Variants in ELAC2 observed in about 807,000 individuals in gnomAD.
ELAC2 encodes elaC ribonuclease Z 2, also known as zinc phosphodiesterase ELAC protein 2.
ELAC2 carries 92 observed loss-of-function variants against 105.2 expected under a neutral mutation model. The ratio of observed to expected loss-of-function variants is 0.87; its 90% CI spans 0.74 to 1.04. ELAC2 has a LOEUF of 1.04. Among genes scored for constraint, ELAC2 ranks in the 50% least tolerant of loss-of-function variants. The pLI is 0.00. For synonymous variants in ELAC2, 468 were observed against 409.1 expected, an observed-to-expected ratio of 1.14 and a Z score of -1.74; for missense variants, 1,099 against 1,071.7, an observed-to-expected ratio of 1.03 and a Z score of -0.36.
intron 14 of ELAC2, among the ~76,000 whole-genome samples, chr17:13,001,161 T>C (rs2040783627): frequency 6.6e-6 from 1 of 151,968 alleles, no homozygotes; most frequent in Non-Finnish European, 1.5e-5. Flanking sequence ...ACAAATACTG[T>C]GGAGTGGGCA....
intron 4 of ELAC2, among the ~76,000 whole-genome samples, chr17:13,015,262 G>A (rs1422155029): frequency 6.6e-6 from 1 of 152,184 alleles, no homozygotes; most frequent in Non-Finnish European, 1.5e-5. Context: ...ACAAATGGAT[G>A]GATTTCAAAC....
chr17:13,003,304 C>G (rs2040923815), intron 12 of ELAC2, 175 bp downstream of exon 12: 1 of 677,454 alleles, frequency 1.5e-6, no homozygotes, highest in South Asian at 1.6e-5. Flanking sequence ...GCATTTTCTT[C>G]ACGAGTGTAG....
At chr17:13,017,637 C>T (rs1306931957) in intron 1 of ELAC2, 66 bp downstream of exon 1, 3 of 1,609,490 alleles carry the variant, frequency 1.9e-6, no homozygotes, top group Non-Finnish European at 2.5e-6. Flanking sequence ...CTGGGAGGTG[C>T]CCCGATGCTC....
chr17:13,002,378 A>G lies in ELAC2; in HGVS notation c.1219-19T>C, dbSNP rs2040861298. 1 of 1,614,072 alleles carries G rather than the reference A, an allele frequency of 6.2e-7. No individual in the cohort carries two copies. The highest frequency in any genetic ancestry group is 8.5e-7 in the Non-Finnish European group (1 of 1,180,046). On this transcript the variant is annotated intron_variant, in intron 13 of 23. Coordinates refer to ENST00000338034, the MANE Select transcript of ELAC2 (RefSeq NM_018127.7). ...CCTCCTTCTGAAAGAGACAAAACAC[A>G]TTCATGGAGAGAAAGAGAGGGGACG...
intron 3 of ELAC2, among the ~76,000 whole-genome samples, chr17:13,016,053 G>C (rs182888371): frequency 6.6e-6 from 1 of 152,182 alleles, no homozygotes; most frequent in East Asian, 1.9e-4. Flanking sequence ...CTGTCACTAG[G>C]GTGAAGCAGC....
Position 13,005,621 on chromosome 17 carries a change from C to CT in ELAC2, c.870+131dup, listed in dbSNP as rs2041057573. On this transcript the variant is annotated intron_variant, in intron 10 of 23. Transcript: ENST00000338034. ...ACAGATAAAAGAGGCCATTTTATCACTTAGCTGAGTGATGTCCAAACTGTT... is the reference window on the plus strand; with the variant it reads ...ACAGATAAAAGAGGCCATTTTATCACTTTAGCTGAGTGATGTCCAAACTGTT... The CT allele has an allele frequency of 7.8e-6, 7 of 901,902 alleles. No homozygotes were observed. The East Asian group carries it at 1.7e-4, about 22-fold the overall frequency. The allele number at this position is 901,902 out of a possible 1,614,324, so 55.9% of individuals were successfully genotyped here.
chr17:13,002,144 G>T, intron 14 of ELAC2, 130 bp downstream of exon 14: 1 of 962,752 alleles, frequency 1.0e-6, no homozygotes, highest in Non-Finnish European at 1.6e-6. Context: ...TGTGCTCAAA[G>T]CGGAGTTGAA....
Position 12,998,462 on chromosome 17 carries a change from A to T in ELAC2, c.1470T>A (p.Ser490=). ...YPEIIFLGTG[S]AIPMKIRNVS... is the part of the protein sequence containing the mutation. Reference sequence around the variant, plus strand: ...CATTTCGAATCTTCATCGGGATGGCAGACCCTGTTCCAAGGAAGATGATTT... The same window carrying T: ...CATTTCGAATCTTCATCGGGATGGCTGACCCTGTTCCAAGGAAGATGATTT... Residue 490 remains serine (S), a synonymous_variant, in exon 16 of 24, where the codon TCT becomes TCA. Coordinates refer to ENST00000338034, the MANE Select transcript of ELAC2 (RefSeq NM_018127.7). The T allele has an allele frequency of 6.2e-7, 1 of 1,614,258 alleles. No homozygotes were observed. The highest frequency in any genetic ancestry group is 1.1e-5 in the South Asian group (1 of 91,084).
intron 8 of ELAC2, chr17:13,006,450 A>G (rs1040201595): frequency 2.1e-5 from 4 of 192,906 alleles, no homozygotes; most frequent in East Asian, 2.5e-4. Flanking sequence ...AAGGTATACC[A>G]TATTCTGAAG....
intron 23 of ELAC2, among the ~76,000 whole-genome samples, chr17:12,993,251 G>T (rs1207625136): frequency 6.6e-6 from 1 of 152,224 alleles, no homozygotes; most frequent in Non-Finnish European, 1.5e-5. Flanking sequence ...CTGGCTAAGG[G>T]CCTCCGGAGA....
At chr17:13,008,366 G>C (rs967531128) in intron 8 of ELAC2, among the ~76,000 whole-genome samples, 7 of 151,900 alleles carry the variant, frequency 4.6e-5, no homozygotes, top group Non-Finnish European at 7.4e-5. Context: ...ACAAAAATTA[G>C]CTGGGCATGG....
rs529416091 is a variant in ELAC2 at position 12,992,072 on chromosome 17, A to C, written c.*746T>G. 2.4e-4 allele frequency among the ~76,000 whole-genome samples: 37 copies of C among 152,336 alleles called. No individual in the cohort carries two copies. Among genetic ancestry groups the C allele is most frequent in the African/African-American group, 8.7e-4 (36 of 41,578 alleles). On this transcript the variant is annotated 3_prime_UTR_variant, in exon 24 of 24. Transcript: ENST00000338034. ...TCCACTTTTACCCAGAACCACCAGA[A>C]GACTTGCATTTCCCTGACCAATGAC... is the stretch of plus-strand genomic sequence containing the variant.
At position 12,995,941 on chromosome 17, in the gene ELAC2, A is replaced by G. The variant is rs1431646115; in HGVS notation, c.1697T>C (p.Leu566Ser). The G allele has an allele frequency of 6.3e-7, 1 of 1,595,574 alleles. No individual in the cohort carries two copies. The highest frequency in any genetic ancestry group is 8.5e-7 in the Non-Finnish European group (1 of 1,169,702). The part of the protein sequence containing the change: ...PSILLQRERA[L>S]ASLGKPLHPL... ...ACGCCCATCAAGTGCCACACTTACC[A>G]AGGCGCGTTCTCTCTGCAGCAAGAT... The change falls in exon 18 of 24, where the codon TTG (leucine) becomes TCG (serine). Residue 566 changes from leucine (L) to serine (S), a missense_variant and splice_region_variant. Coordinates refer to ENST00000338034, the MANE Select transcript of ELAC2 (RefSeq NM_018127.7).
chr17:12,996,652 C>T lies in ELAC2; in HGVS notation c.1554G>A (p.Glu518=), dbSNP rs377407616. ...GACGGCACAGCTGCCCAAATGTGCC[C>T]TCACCACAGTCCAGTAGCAGAGACG... is the stretch of plus-strand genomic sequence containing the variant. ...PDTSLLLDCG[E]GTFGQLCRHY... The change falls in exon 17 of 24, where the codon GAG becomes GAA. Residue 518 remains glutamate, a synonymous_variant. Transcript: ENST00000338034. The T allele has an allele frequency of 5.2e-5, 84 of 1,613,890 alleles. No individual in the cohort carries two copies. The South Asian group carries it at 7.1e-4, about 14-fold the overall frequency.
chr17:13,005,897 A>G (rs1382570350), intron 9 of ELAC2, 24 bp downstream of exon 9: 1 of 1,614,170 alleles, frequency 6.2e-7, no homozygotes, highest in Non-Finnish European at 8.5e-7. Flanking sequence ...GTGAGTCCCC[A>G]GAAGCCTTAC....
chr17:13,003,466 C>G lies in ELAC2; in HGVS notation c.1079+13G>C, dbSNP rs200797227. ...AAGAGTTACCCCAAGTGCCGCTGGG[C>G]TGGGCTCCATACCTCTCCATCCACT... On this transcript the variant is annotated intron_variant, in intron 12 of 23. Coordinates refer to ENST00000338034, the MANE Select transcript of ELAC2 (RefSeq NM_018127.7). The G allele has an allele frequency of 8.7e-6, 14 of 1,613,678 alleles. No homozygotes were observed. The East Asian group carries it at 2.9e-4, about 33-fold the overall frequency.
Position 13,006,015 on chromosome 17 carries a change from C to G in ELAC2, c.739-36G>C, listed in dbSNP as rs1233657548. 2.5e-6 allele frequency: 4 copies of G among 1,594,528 alleles called. No individual in the cohort carries two copies. In the South Asian group the frequency reaches 4.4e-5, roughly 18 times the overall value. On this transcript the variant is annotated intron_variant, in intron 8 of 23. Transcript: ENST00000338034. ...GAGAACATAGATGTGATCTTAGGGG[C>G]TAATGAAGAAGGTTGGTTTTAATCA...
rs757796474 is a variant in ELAC2, at chr17:12,992,041, ATT to A, written c.*775_*776del. ...ATGGAAGCAACAACACAGCAAATCT[ATT>A]GTCTCCACTTTTACCCAGAACCACC... On this transcript the variant is annotated 3_prime_UTR_variant, in exon 24 of 24. Transcript: ENST00000338034. Among the ~76,000 whole-genome samples the A allele has an allele frequency of 6.6e-6, 1 of 152,132 alleles. No individual in the cohort carries two copies. The highest frequency in any genetic ancestry group is 1.9e-4 in the East Asian group (1 of 5,190).
intron 11 of ELAC2, chr17:13,003,807 C>T (rs1384572588): frequency 5.3e-6 from 3 of 566,114 alleles, no homozygotes; most frequent in Non-Finnish European, 9.6e-6. Flanking sequence ...CTGGGCTTTC[C>T]AGTAGGCCTG....
Sources: gnomAD v4.1 joint callset for allele counts (sites outside exome capture counted in the v4.1 genomes callset) on GRCh38, gnomAD v4.1.1 for gene constraint, MANE v1.5 for transcripts, NCBI Gene and HGNC (gene_info 2026-07-23, HGNC 2026-07-21) for gene names.